The following RTKN variants were observed in gnomAD, a reference collection of about 807,000 sequenced individuals.
RTKN encodes rhotekin.
RTKN carries 49 observed loss-of-function variants against 63.5 expected under a neutral mutation model. That is an observed-to-expected ratio of 0.77 (90% confidence interval 0.61 to 0.98). The LOEUF (loss-of-function observed/expected upper bound fraction) is 0.98. Among genes scored for constraint, RTKN ranks in the 50% least tolerant of loss-of-function variants. The probability of loss-of-function intolerance (pLI) is 0.00; values close to 1 mark genes in which losing one functional copy is unlikely to be tolerated. For synonymous variants in RTKN, 295 were observed against 290.4 expected (o/e 1.02, Z -0.16); for missense variants, 685 against 740.8 (o/e 0.92, Z 0.87).
chr2:74,441,556 T>TA, intron 1 of RTKN, 150 bp downstream of exon 1: 1 of 618,170 alleles, frequency 1.6e-6, no homozygotes, highest in African/African-American at 1.8e-5. Flanking sequence ...GTCCACACCT[T>TA]ACTTTTTAAG....
intron 2 of RTKN, 107 bp from the exon 3 acceptor site, chr2:74,430,784 G>C (rs970383925): frequency 1.1e-5 from 13 of 1,134,028 alleles, no homozygotes; most frequent in African/African-American, 1.6e-5. Flanking sequence ...CAGCCACCAG[G>C]TTCCCAGCCA....
chr2:74,427,081 TTC>T lies in RTKN; in HGVS notation c.1360+86_1360+87del, dbSNP rs1294651278. 8 of 1,524,196 alleles carry T rather than the reference TTC, an allele frequency of 5.2e-6. No individual in the cohort carries two copies. The African/African-American group carries it at 6.9e-5, about 13-fold the overall frequency. The allele number at this position is 1,524,196 out of a possible 1,614,324, so 94.4% of individuals were successfully genotyped here. ...GATCTGGTGTAGCCCAGAGTGTGCT[TTC>T]TCTCTGTTTCCATTATCTGGTTTCT... On this transcript the variant is annotated intron_variant, in intron 11 of 11. Coordinates refer to ENST00000272430, the MANE Select transcript of RTKN (RefSeq NM_001015055.2).
At chr2:74,435,519 G>A (rs1043067488) in intron 1 of RTKN, among the ~76,000 whole-genome samples, 10 of 152,212 alleles carry the variant, frequency 6.6e-5, no homozygotes, top group Non-Finnish European at 1.2e-4. Flanking sequence ...GCTGGGAGGT[G>A]AGAGATGATG....
intron 1 of RTKN, among the ~76,000 whole-genome samples, chr2:74,435,154 G>C (rs1011532909): frequency 6.6e-6 from 1 of 152,190 alleles, no homozygotes; most frequent in Non-Finnish European, 1.5e-5. Context: ...GTCCAGGAAT[G>C]AGGGACTGTG....
In RTKN at chr2:74,428,830, A is replaced by C; in HGVS notation, c.850+18T>G. 5 of 1,607,172 alleles carry C rather than the reference A, an allele frequency of 3.1e-6. No homozygotes were observed. The highest frequency in any genetic ancestry group is 4.3e-6 in the Non-Finnish European group (5 of 1,173,750). ...TCACCATCACATGTGTATGTCCCCCATGCACACACATACTTACCATGACTG... is the reference window on the plus strand; with the variant it reads ...TCACCATCACATGTGTATGTCCCCCCTGCACACACATACTTACCATGACTG... On this transcript the variant is annotated intron_variant, in intron 7 of 11. Transcript: ENST00000272430.
chr2:74,440,823 G>C (rs547856875), intron 1 of RTKN, among the ~76,000 whole-genome samples: 1 of 152,394 alleles, frequency 6.6e-6, no homozygotes, highest in Admixed American at 6.5e-5. Flanking sequence ...CAGGCTGGAG[G>C]GAAAGGGCAG....
chr2:74,439,540 C>T (rs770657356), intron 1 of RTKN: 59 of 1,613,844 alleles, frequency 3.7e-5, no homozygotes, highest in Middle Eastern at 3.3e-4. Context: ...CTCCAAGGGT[C>T]GGGGGATTAC....
intron 2 of RTKN, chr2:74,430,889 A>C (rs114247635): frequency 3.4e-6 from 2 of 583,046 alleles, no homozygotes; most frequent in East Asian, 5.6e-5. Context: ...CTCAAGCCAC[A>C]TTAACTCACA....
chr2:74,438,422 C>G (rs1046104124), intron 1 of RTKN, among the ~76,000 whole-genome samples: 1 of 152,246 alleles, frequency 6.6e-6, no homozygotes, highest in Non-Finnish European at 1.5e-5. Context: ...TGGACATTTG[C>G]GAACTCTCTT....
Position 74,429,871 on chromosome 2 carries a change from C to G in RTKN, c.712G>C (p.Gly238Arg), listed in dbSNP as rs1295225805. 1.9e-6 allele frequency: 3 copies of G among 1,614,084 alleles called. No homozygotes were observed. Among genetic ancestry groups the G allele is most frequent in the East Asian group, 2.2e-5 (1 of 44,902 alleles). Residue 238 changes from glycine to arginine, a missense_variant, in exon 6 of 12, where the codon GGT (glycine) becomes CGT (arginine). Physicochemically the swap from Gly to Arg is moderately radical, Grantham distance 125. Transcript: ENST00000272430. ...RVRASLDSAG[G>R]SGSSPILLPT... ...AGCAAGATGGGACTGCTCCCTGAAC[C>G]CCCAGCACTGTCCAGCGATGCCCGG...
intron 5 of RTKN, 58 bp downstream of exon 5, chr2:74,430,194 C>A: frequency 1.9e-6 from 3 of 1,560,570 alleles, no homozygotes; most frequent in Middle Eastern, 3.4e-4. Context: ...CTGGAACTCG[C>A]TCATCCAGAA....
At position 74,436,902 on chromosome 2, in the gene RTKN, C is replaced by A. The variant is rs1374680428; in HGVS notation, c.112-4236G>T. On this transcript the variant is annotated intron_variant, in intron 1 of 11. Coordinates refer to ENST00000272430, the MANE Select transcript of RTKN (RefSeq NM_001015055.2). The surrounding 1 kb of genome is among the most constrained non-coding windows in gnomAD (Gnocchi z 4.3). ...CCCTCCCCACCCAAACACACCCTCT[C>A]CCCAAGCGGGCAGCATTTCCCCTGG... Among the ~76,000 whole-genome samples, 1 of 152,164 alleles carries A rather than the reference C, an allele frequency of 6.6e-6. No individual in the cohort carries two copies. Among genetic ancestry groups the A allele is most frequent in the African/African-American group, 2.4e-5 (1 of 41,448 alleles).
In RTKN at chr2:74,429,956, G is replaced by A. The variant is rs1573243208; in HGVS notation, c.627C>T (p.Gly209=). 6.2e-7 allele frequency: 1 copy of A among 1,614,140 alleles called. No homozygotes were observed. The highest frequency in any genetic ancestry group is 1.7e-5 in the Admixed American group (1 of 60,014). The part of the protein sequence containing the change: ...CVEEEGALTG[G]PKRLATKLSS... ...TGAGTTTGGTGGCAAGCCTCTTGGG[G>A]CCGCCAGTCAGGGCCCCCTCTTCTT... Residue 209 remains glycine (G), a synonymous_variant, in exon 6 of 12, where the codon GGC becomes GGT. Transcript: ENST00000272430.
chr2:74,434,158 AGTGGC>A (rs1573256088), intron 1 of RTKN, among the ~76,000 whole-genome samples: 1 of 152,170 alleles, frequency 6.6e-6, no homozygotes, highest in East Asian at 1.9e-4. Context: ...GCTGGAGTAC[AGTGGC>A]GCGATCTCAG....
At chr2:74,428,514 G>A in intron 8 of RTKN, 117 bp downstream of exon 8, 1 of 1,568,984 alleles carries the variant, frequency 6.4e-7, no homozygotes, top group Non-Finnish European at 8.7e-7. Flanking sequence ...CCCCTCGTCT[G>A]GCCATACCCC....
chr2:74,434,433 C>T (rs1389501811), intron 1 of RTKN, among the ~76,000 whole-genome samples: 3 of 152,162 alleles, frequency 2.0e-5, no homozygotes, highest in Admixed American at 1.3e-4. Flanking sequence ...GTGTGAGCCA[C>T]CACACCCAGC....
Position 74,426,301 on chromosome 2 carries a change from C to T in RTKN, c.1634G>A (p.Arg545Gln), listed in dbSNP as rs146072355. The T allele has an allele frequency of 9.3e-6, 15 of 1,613,830 alleles. No individual in the cohort carries two copies. The highest frequency in any genetic ancestry group is 4.4e-5 in the South Asian group (4 of 91,082). ...VAPLPPQRSP[R>Q]TRGLCSKGQP... ...GCCTTTGCTGCAGAGGCCTCTGGTC[C>T]GTGGGGATCGCTGAGGTGGGAGGGG... The change falls in exon 12 of 12, where the codon CGG (arginine) becomes CAG (glutamine). Residue 545 changes from arginine (R) to glutamine (Q), a missense_variant. Arg to Gln is a conservative substitution (Grantham distance 43). Coordinates refer to ENST00000272430, the MANE Select transcript of RTKN (RefSeq NM_001015055.2).
chr2:74,432,784 G>A (rs1670832219), intron 1 of RTKN, 118 bp from the exon 2 acceptor site: 1 of 789,222 alleles, frequency 1.3e-6, no homozygotes, highest in Non-Finnish European at 2.1e-6. Context: ...AATGTTTTAG[G>A]CAGTTCAAGA....
In RTKN at chr2:74,430,341, C is replaced by T. The variant is rs1208263102; in HGVS notation, c.456G>A (p.Leu152=). The change falls in exon 5 of 12, where the codon CTG becomes CTA. Residue 152 remains leucine (L), a synonymous_variant. Transcript: ENST00000272430. ...GDLHRWAVFL[L]LQLGEHIQDT... Reference sequence around the variant, plus strand: ...CCTGGATGTGTTCCCCCAGCTGCAGCAGCAGGAACACAGCCCAGCGGTGCA... The same window carrying T: ...CCTGGATGTGTTCCCCCAGCTGCAGTAGCAGGAACACAGCCCAGCGGTGCA... 1 of 1,614,228 alleles carries T rather than the reference C, an allele frequency of 6.2e-7. No homozygotes were observed. Among genetic ancestry groups the T allele is most frequent in the Non-Finnish European group, 8.5e-7 (1 of 1,180,032 alleles).
Sources: gnomAD v4.1 joint callset for allele counts (sites outside exome capture counted in the v4.1 genomes callset) on GRCh38, gnomAD v4.1.1 for gene constraint, Gnocchi (gnomAD v3.1) non-coding constraint, MANE v1.5 for transcripts, NCBI Gene and HGNC (gene_info 2026-07-23, HGNC 2026-07-21) for gene names.